Variants in TMEM268 observed in about 807,000 individuals in gnomAD.
The protein encoded by TMEM268 is transmembrane protein 268.
TMEM268 carries 24 observed loss-of-function variants against 39.1 expected under a neutral mutation model. That is an observed-to-expected ratio of 0.61 (90% CI 0.44 to 0.86). TMEM268 has a LOEUF of 0.86. TMEM268 is among the 40% of genes least tolerant of loss of function. The pLI, the probability that TMEM268 is intolerant of heterozygous loss-of-function variation, is 0.00. For missense variants in TMEM268, 409 were observed against 428.6 expected (o/e 0.95, Z 0.40); for synonymous variants, 176 against 173.5 (o/e 1.01, Z -0.12).
At chr9:114,619,823 G>C (rs1845874934) in intron 2 of TMEM268, among the ~76,000 whole-genome samples, 1 of 152,150 alleles carries the variant, frequency 6.6e-6, no homozygotes, top group South Asian at 2.1e-4. Flanking sequence ...AGTGCCTGGT[G>C]CTTAGTAAAT....
chr9:114,605,459 C>G, the TMEM268 span, among the ~76,000 whole-genome samples: 223 of 152,092 alleles, frequency 1.5e-3, 6 homozygotes, highest in East Asian at 0.04. Flanking sequence ...GAAAGATCAT[C>G]AGGTCAACAT....
chr9:114,625,506 G>A (rs914899127), intron 3 of TMEM268, among the ~76,000 whole-genome samples: 46 of 148,018 alleles, frequency 3.1e-4, no homozygotes, highest in African/African-American at 1.1e-3. Flanking sequence ...GTGCAGTGGC[G>A]CAATCTGGGC....
At chr9:114,617,444 G>C (rs764418500) in intron 2 of TMEM268, 143 bp downstream of exon 2, 1 of 696,526 alleles carries the variant, frequency 1.4e-6, no homozygotes, top group African/African-American at 1.8e-5. Flanking sequence ...TCTGTCTCTT[G>C]GCCTTAGACC....
At chr9:114,618,974 A>C (rs968113176) in intron 2 of TMEM268, among the ~76,000 whole-genome samples, 1 of 152,196 alleles carries the variant, frequency 6.6e-6, no homozygotes, top group African/African-American at 2.4e-5. Context: ...GAAAGAATTA[A>C]TGAGTAGCTG....
chr9:114,640,180 G>T (rs1177227023), intron 8 of TMEM268, among the ~76,000 whole-genome samples: 3 of 151,458 alleles, frequency 2.0e-5, no homozygotes, highest in Non-Finnish European at 2.9e-5. Context: ...GCGTGTGTGG[G>T]TTTTTGTGCA....
chr9:114,631,282 C>CAAAAAAAAAAAAAAAAAA (rs3035421), intron 5 of TMEM268, among the ~76,000 whole-genome samples: 1 of 130,182 alleles, frequency 7.7e-6, no homozygotes, highest in African/African-American at 3.0e-5. Flanking sequence ...CAGCCTGCCT[C>CAAAAAAAAAAAAAAAAAA]AAAAAAAAAA....
chr9:114,619,292 T>TGCAC (rs1554756616), intron 2 of TMEM268, among the ~76,000 whole-genome samples: 9 of 92,478 alleles, frequency 9.7e-5, no homozygotes, highest in African/African-American at 3.8e-4. Context: ...CGTGCACGCG[T>TGCAC]GCACACACAC....
upstream of TMEM268, among the ~76,000 whole-genome samples, chr9:114,609,163 T>G (rs1845404923): frequency 6.6e-6 from 1 of 151,700 alleles, no homozygotes; most frequent in Non-Finnish European, 1.5e-5. Flanking sequence ...ATGCAAAAAT[T>G]AGCCAGGCGT....
intron 2 of TMEM268, among the ~76,000 whole-genome samples, chr9:114,618,610 C>A (rs968438393): frequency 3.3e-5 from 5 of 151,780 alleles, no homozygotes; most frequent in African/African-American, 1.2e-4. Context: ...TTGCGGTGAG[C>A]CGAGATCACA....
In TMEM268 at chr9:114,617,011, G is replaced by A. The variant is rs930000835; in HGVS notation, c.-78-107G>A. On this transcript the variant is annotated intron_variant, in intron 1 of 8. Transcript: ENST00000288502. Reference sequence around the variant, plus strand: ...GGCCAAAGTTGGCAAAAAGAGTCCGGGTAACTCTCCCTGGCCTTTGGTGAC... The same window carrying A: ...GGCCAAAGTTGGCAAAAAGAGTCCGAGTAACTCTCCCTGGCCTTTGGTGAC... The A allele has an allele frequency of 2.2e-5, 11 of 494,834 alleles. No individual in the cohort carries two copies. In the African/African-American group the frequency reaches 2.2e-4, roughly 10 times the overall value. 30.7% of individuals were successfully genotyped at this position (494,834 alleles called of 1,614,324 possible).
chr9:114,635,779 G>C (rs1242667275), intron 6 of TMEM268, among the ~76,000 whole-genome samples: 1 of 152,214 alleles, frequency 6.6e-6, no homozygotes, highest in African/African-American at 2.4e-5. Context: ...ATGTCCTTCA[G>C]ATTCACTGGG....
rs759814908 is a variant in TMEM268, at chr9:114,628,213, T to C, written c.437T>C (p.Leu146Ser). ...ACCCTGGCCGCGGTGAGCCTGACCT[T>C]GACTCTTGTGCTGGTCTTTGAAAGA... ...LVTLAAVSLT[L>S]TLVLVFERHQ... The change falls in exon 5 of 9, where the codon TTG (leucine) becomes TCG (serine). Residue 146 changes from leucine (L) to serine (S), a missense_variant. Transcript: ENST00000288502. The C allele has an allele frequency of 1.1e-5, 17 of 1,614,020 alleles. No homozygotes were observed. The highest frequency in any genetic ancestry group is 1.3e-5 in the African/African-American group (1 of 74,914).
intron 7 of TMEM268, among the ~76,000 whole-genome samples, chr9:114,637,564 G>T (rs1368026801): frequency 6.6e-6 from 1 of 152,076 alleles, no homozygotes; most frequent in Non-Finnish European, 1.5e-5. Context: ...AAAGTGCTGG[G>T]ATTACAGGTG....
chr9:114,622,319 GC>G (rs1323523437), intron 2 of TMEM268: 1 of 985,242 alleles, frequency 1.0e-6, no homozygotes, highest in African/African-American at 1.7e-5. Context: ...TAGAGAATAT[GC>G]CAAAATATCC....
At chr9:114,605,221 G>T in the TMEM268 span, among the ~76,000 whole-genome samples, 4 of 152,288 alleles carry the variant, frequency 2.6e-5, no homozygotes, top group South Asian at 8.3e-4. Context: ...TCCCCTTGAG[G>T]GTCATTCTGG....
At position 114,624,285 on chromosome 9, in the gene TMEM268, G is replaced by A. The variant is rs140093477; in HGVS notation, c.107-65G>A. 2,075 of 1,544,942 alleles carry A rather than the reference G, an allele frequency of 1.3e-3. 3 individuals are homozygous for A. The highest frequency in any genetic ancestry group is 8.9e-3 in the Middle Eastern group (52 of 5,868). On this transcript the variant is annotated intron_variant, in intron 2 of 8. Transcript: ENST00000288502. Reference sequence around the variant, plus strand: ...CAGAGGTGTGATGCCGCCAGGCTTCGGGCTCACCCCACGAGCCTGGTATGG... The same window carrying A: ...CAGAGGTGTGATGCCGCCAGGCTTCAGGCTCACCCCACGAGCCTGGTATGG...
At chr9:114,614,946 G>A (rs992004351) in intron 1 of TMEM268, among the ~76,000 whole-genome samples, 10 of 150,406 alleles carry the variant, frequency 6.6e-5, no homozygotes, top group African/African-American at 2.2e-4. Context: ...GCCCAGGCTG[G>A]AGGGCAGTGG....
At chr9:114,638,765 G>A (rs762100706) in intron 8 of TMEM268, 39 bp downstream of exon 8, 5 of 1,468,996 alleles carry the variant, frequency 3.4e-6, no homozygotes, top group African/African-American at 2.9e-5. Context: ...ATCTTCCCTC[G>A]GGGGAATTTG....
chr9:114,624,390 C>G lies in TMEM268; in HGVS notation c.147C>G (p.Asp49Glu). 6.2e-7 allele frequency: 1 copy of G among 1,604,444 alleles called. No individual in the cohort carries two copies. Among genetic ancestry groups the G allele is most frequent in the Non-Finnish European group, 8.5e-7 (1 of 1,175,000 alleles). The change falls in exon 3 of 9, where the codon GAC (aspartate) becomes GAG (glutamate). Residue 49 changes from aspartate (D) to glutamate (E), a missense_variant. Asp to Glu is a conservative substitution (Grantham distance 45, BLOSUM62 2). Transcript: ENST00000288502. ...AGGTCCTCACTGTTCTCCGGATTGA[C>G]AATACCTGTGCACCCATCTCCTTCG... The part of the protein sequence containing the change: ...NGQVLTVLRI[D>E]NTCAPISFDL...
Sources: gnomAD v4.1 joint callset for allele counts (sites outside exome capture counted in the v4.1 genomes callset) on GRCh38, gnomAD v4.1.1 for gene constraint, MANE v1.5 for transcripts, NCBI Gene and HGNC (gene_info 2026-07-23, HGNC 2026-07-21) for gene names.